The following SUGCT variants were observed in gnomAD, a reference collection of about 807,000 sequenced individuals.
SUGCT encodes the protein succinyl-CoA:glutarate-CoA transferase, also known as succinyl-CoA:glutarate CoA-transferase.
SUGCT carries 41 observed loss-of-function variants against 55.0 expected under a neutral mutation model. The ratio of observed to expected loss-of-function variants is 0.74; its 90% CI spans 0.58 to 0.97. The LOEUF is 0.97. Ranked by LOEUF, SUGCT falls within the 50% of genes least tolerant of loss-of-function variation. The pLI, the probability that SUGCT is intolerant of heterozygous loss-of-function variation, is 0.00. For missense variants in SUGCT, 568 were observed against 547.8 expected (o/e 1.04, Z -0.37); for synonymous variants, 187 against 200.4 (o/e 0.93, Z 0.56).
chr7:40,404,995 G>C (rs1786281219), intron 9 of SUGCT, among the ~76,000 whole-genome samples: 1 of 152,120 alleles, frequency 6.6e-6, no homozygotes, highest in Non-Finnish European at 1.5e-5. Context: ...AAGCTCTCTG[G>C]TATGCTGAGC....
At chr7:40,516,179 C>A (rs1336408508) in intron 12 of SUGCT, among the ~76,000 whole-genome samples, 2 of 151,984 alleles carry the variant, frequency 1.3e-5, no homozygotes, top group African/African-American at 4.8e-5. Flanking sequence ...CTATTCAAAT[C>A]TTTTGTCCTT....
At chr7:40,232,482 A>T (rs3897941) in intron 6 of SUGCT, among the ~76,000 whole-genome samples, 3 of 151,956 alleles carry the variant, frequency 2.0e-5, no homozygotes, top group Non-Finnish European at 4.4e-5. Flanking sequence ...CAGTTTGTCA[A>T]AGGGACCTGT....
intron 13 of SUGCT, among the ~76,000 whole-genome samples, chr7:40,791,091 T>C (rs868558204): frequency 2.6e-4 from 39 of 152,330 alleles, no homozygotes; most frequent in African/African-American, 8.9e-4. Context: ...TCCTTTCTTT[T>C]ACAAAATTCA....
At chr7:40,397,071 A>T (rs1785774807) in intron 9 of SUGCT, among the ~76,000 whole-genome samples, 1 of 152,196 alleles carries the variant, frequency 6.6e-6, no homozygotes, top group South Asian at 2.1e-4. Context: ...CACTTTTAAG[A>T]GTTGAAAACT....
At chr7:40,992,025 A>C in the SUGCT span, among the ~76,000 whole-genome samples, 1 of 152,074 alleles carries the variant, frequency 6.6e-6, no homozygotes, top group East Asian at 1.9e-4. Context: ...CACAGAGTAA[A>C]GTGAAAGCAA....
chr7:40,555,946 T>C (rs1356263815), intron 12 of SUGCT, among the ~76,000 whole-genome samples: 1 of 152,150 alleles, frequency 6.6e-6, no homozygotes, highest in East Asian at 1.9e-4. Flanking sequence ...TCTAACTTCT[T>C]AGCAATGTGT....
the SUGCT span, among the ~76,000 whole-genome samples, chr7:40,971,761 G>A: frequency 3.3e-5 from 5 of 152,110 alleles, no homozygotes; most frequent in Admixed American, 1.3e-4. Flanking sequence ...GTGGGTTGTC[G>A]TCAGTACCAC....
At chr7:40,767,022 C>T (rs1339711112) in intron 13 of SUGCT, among the ~76,000 whole-genome samples, 4 of 152,198 alleles carry the variant, frequency 2.6e-5, no homozygotes, top group Admixed American at 2.6e-4. Flanking sequence ...AATATCTCCA[C>T]ATCTAACCTA....
At position 40,248,432 on chromosome 7, in the gene SUGCT, C is replaced by A. The variant is rs141799277; in HGVS notation, c.576+10706C>A. Among the ~76,000 whole-genome samples, 16 of 152,226 alleles carry A rather than the reference C, an allele frequency of 1.1e-4. 1 individual carries two copies. In the East Asian group the frequency reaches 3.1e-3, roughly 29 times the overall value. On this transcript the variant is annotated intron_variant, in intron 7 of 13. Transcript: ENST00000335693. ...TACACTTGCTTTTATTGTGTCTATA[C>A]CTGTGGATGTACCATAGTTTATTTA...
chr7:40,242,926 TA>T (rs1562605036), intron 7 of SUGCT, among the ~76,000 whole-genome samples: 40 of 33,676 alleles, frequency 1.2e-3, no homozygotes, highest in African/African-American at 2.9e-3. Flanking sequence ...TATATATATA[TA>T]TATATATTTT....
intron 12 of SUGCT, among the ~76,000 whole-genome samples, chr7:40,546,371 T>G (rs1404096933): frequency 6.6e-6 from 1 of 152,222 alleles, no homozygotes; most frequent in Non-Finnish European, 1.5e-5. Flanking sequence ...GACAGGCCTA[T>G]TTCAAAGTAA....
At chr7:40,368,017 A>T in intron 9 of SUGCT, among the ~76,000 whole-genome samples, 1 of 152,054 alleles carries the variant, frequency 6.6e-6, no homozygotes, top group East Asian at 1.9e-4. Flanking sequence ...TGCTCCTGCC[A>T]TGTTTCCATC....
the SUGCT span, among the ~76,000 whole-genome samples, chr7:40,915,473 T>G: frequency 6.6e-5 from 10 of 151,974 alleles, no homozygotes; most frequent in Non-Finnish European, 1.5e-4. Flanking sequence ...AACCCTGAGG[T>G]CTAAGAAATG....
chr7:40,556,623 G>A (rs1295990358), intron 12 of SUGCT, among the ~76,000 whole-genome samples: 2 of 152,178 alleles, frequency 1.3e-5, no homozygotes, highest in Non-Finnish European at 2.9e-5. Flanking sequence ...CAGACTGCCT[G>A]GGTTTAAATC....
intron 12 of SUGCT, among the ~76,000 whole-genome samples, chr7:40,535,646 T>G (rs1412569047): frequency 6.6e-6 from 1 of 152,128 alleles, no homozygotes; most frequent in Non-Finnish European, 1.5e-5. Context: ...GGACTAAAAG[T>G]GTGGTACATA....
intron 9 of SUGCT, among the ~76,000 whole-genome samples, chr7:40,323,314 G>A (rs1269955405): frequency 6.6e-6 from 1 of 152,090 alleles, no homozygotes; most frequent in African/African-American, 2.4e-5. Flanking sequence ...GAATCATTTG[G>A]ATGTCTTGTT....
At chr7:40,892,967 A>G in the SUGCT span, among the ~76,000 whole-genome samples, 3 of 152,222 alleles carry the variant, frequency 2.0e-5, no homozygotes, top group Non-Finnish European at 2.9e-5. Context: ...AAGAGAAAGA[A>G]TAGAAAAAGA....
intron 12 of SUGCT, among the ~76,000 whole-genome samples, chr7:40,737,144 C>G (rs1304135188): frequency 6.6e-6 from 1 of 152,134 alleles, no homozygotes; most frequent in African/African-American, 2.4e-5. Context: ...TCTAGGGAAA[C>G]AGGGCAATGT....
chr7:40,499,659 C>G (rs949333336), intron 12 of SUGCT: 1 of 152,154 alleles, frequency 6.6e-6, no homozygotes, highest in African/African-American at 2.4e-5. Context: ...ATTCAAAACC[C>G]TTAGAGTGGG....
Sources: allele counts gnomAD v4.1 joint callset (sites outside exome capture counted in the v4.1 genomes callset), GRCh38; gene constraint gnomAD v4.1.1; transcripts MANE v1.5; gene names NCBI Gene and HGNC (gene_info 2026-07-23, HGNC 2026-07-21).